Variants in DDX60L observed in about 807,000 individuals in gnomAD.
DDX60L encodes DExD/H-box 60 like.
In DDX60L, 191 loss-of-function variants were observed where a neutral mutation model predicts 211.6. The observed-to-expected ratio is 0.90, with a 90% CI of 0.80 to 1.02. DDX60L has a LOEUF of 1.02. Ranked by LOEUF, DDX60L falls within the 50% of genes least tolerant of loss-of-function variation. The probability of loss-of-function intolerance (pLI) is 0.00; values close to 1 mark genes in which losing one functional copy is unlikely to be tolerated. For synonymous variants in DDX60L, 706 were observed against 694.1 expected (o/e 1.02, Z -0.27); for missense variants, 2,007 against 1,984.1 (o/e 1.01, Z -0.22).
chr4:168,423,735 A>G lies in DDX60L; in HGVS notation c.1970T>C (p.Met657Thr), dbSNP rs752372935. 6 of 1,603,498 alleles carry G rather than the reference A, an allele frequency of 3.7e-6. No homozygotes were observed. In the African/African-American group the frequency reaches 6.7e-5, roughly 18 times the overall value. The change falls in exon 15 of 38, where the codon ATG becomes ACG. Residue 657 changes from methionine to threonine, a missense_variant. Physicochemically the swap from Met to Thr is moderately conservative, Grantham distance 81 (BLOSUM62 -1). Transcript: ENST00000682922. The stretch of plus-strand genomic sequence containing the variant: ...CTCCAGGAGTGAATGAATCCTTTTC[A>G]TCATTTGAACAGCTATACTTAAATC... ...SKDLSIAVQM[M>T]KRIHSLLERY... is the part of the protein sequence containing the mutation.
chr4:168,415,208 AT>A (rs1749335841), intron 22 of DDX60L, among the ~76,000 whole-genome samples, 199 bp downstream of exon 22: 1 of 152,066 alleles, frequency 6.6e-6, no homozygotes, highest in African/African-American at 2.4e-5. Context: ...TGCCCCATAT[AT>A]ACAGCTACTT....
Position 168,400,921 on chromosome 4 carries a change from C to T in DDX60L, c.3396G>A (p.Lys1132=), listed in dbSNP as rs1326318161. ...TGTGGGGATGGCTTTTTGTCTCTGT[C>T]TTCTCCAGAAAAGTGCACACACTTC... ...RAGSVCTFLE[K]TETKSHPHTE... is the part of the protein sequence containing the mutation. Residue 1132 remains lysine, a synonymous_variant, in exon 26 of 38, where the codon AAG becomes AAA. Coordinates refer to ENST00000682922, the MANE Select transcript of DDX60L (RefSeq NM_001012967.3). 1.9e-6 allele frequency: 3 copies of T among 1,613,700 alleles called. No homozygotes were observed. The Admixed American group carries it at 5.0e-5, about 27-fold the overall frequency.
At chr4:168,369,582 C>CA (rs1460460603) in intron 36 of DDX60L, among the ~76,000 whole-genome samples, 2 of 150,186 alleles carry the variant, frequency 1.3e-5, no homozygotes, top group Admixed American at 1.3e-4. Context: ...CAAAAATAGA[C>CA]AAAAGAGATT....
Position 168,433,070 on chromosome 4 carries a change from G to A in DDX60L, c.1340C>T (p.Thr447Ile). 6.2e-7 allele frequency: 1 copy of A among 1,609,540 alleles called. No homozygotes were observed. Among genetic ancestry groups the A allele is most frequent in the Non-Finnish European group, 8.5e-7 (1 of 1,177,542 alleles). ...KMPSVGFIPM[T>I]SAVIDEFVGD... ...AACAAACTCATCAATTACAGCAGAT[G>A]TCATTGGAATAAAGCCCACACTAGG... The change falls in exon 11 of 38, where the codon ACA becomes ATA. Residue 447 changes from threonine to isoleucine, a missense_variant. Coordinates refer to ENST00000682922, the MANE Select transcript of DDX60L (RefSeq NM_001012967.3).
intron 5 of DDX60L, among the ~76,000 whole-genome samples, chr4:168,460,038 C>T (rs1394077472): frequency 6.6e-6 from 1 of 151,834 alleles, no homozygotes; most frequent in Non-Finnish European, 1.5e-5. Flanking sequence ...ATTTTCCAAC[C>T]AAAACAAAAA....
rs1561040772 is a variant in DDX60L, at chr4:168,422,644, T to C, written c.2124A>G (p.Lys708=). 1.9e-6 allele frequency: 3 copies of C among 1,606,068 alleles called. No homozygotes were observed. In the Admixed American group the frequency reaches 5.1e-5, roughly 27 times the overall value. The change falls in exon 16 of 38, where the codon AAA becomes AAG. Residue 708 remains lysine, a synonymous_variant. Transcript: ENST00000682922. ...TLIGDDKNKK[K]YSIDIGPARF... ...GAGCTGGTCCAATGTCAATCGAATA[T>C]TTCTTCTTATTTTTGTCATCTCCTA...
At chr4:168,395,775 G>T in intron 27 of DDX60L, 184 bp downstream of exon 27, 1 of 540,454 alleles carries the variant, frequency 1.9e-6, no homozygotes, top group South Asian at 2.6e-5. Context: ...GCAAGGAAGA[G>T]TCACTTATAG....
At chr4:168,392,928 T>C (rs1579338016) in intron 28 of DDX60L, among the ~76,000 whole-genome samples, 1 of 152,122 alleles carries the variant, frequency 6.6e-6, no homozygotes, top group Non-Finnish European at 1.5e-5. Context: ...TATTCATTCA[T>C]TTATATATTC....
chr4:168,379,689 T>C (rs1742593387), intron 31 of DDX60L, 37 bp downstream of exon 31: 4 of 1,504,106 alleles, frequency 2.7e-6, no homozygotes, highest in South Asian at 2.3e-5. Context: ...TACACGGTAC[T>C]AGTTACAGAG....
intron 22 of DDX60L, among the ~76,000 whole-genome samples, chr4:168,408,876 G>T (rs149561715): frequency 6.6e-6 from 1 of 152,286 alleles, no homozygotes; most frequent in African/African-American, 2.4e-5. Flanking sequence ...CACTCATCCT[G>T]TTCCCATGCC....
At chr4:168,451,094 C>A (rs967362428) in intron 8 of DDX60L, among the ~76,000 whole-genome samples, 4 of 152,108 alleles carry the variant, frequency 2.6e-5, no homozygotes, top group Non-Finnish European at 5.9e-5. Flanking sequence ...AGATTTTCTA[C>A]CATCTATCTT....
intron 7 of DDX60L, among the ~76,000 whole-genome samples, chr4:168,454,683 AG>A (rs1025363105): frequency 4.6e-5 from 7 of 151,688 alleles, no homozygotes; most frequent in African/African-American, 1.7e-4. Context: ...AGAATCAAGA[AG>A]GAAGAAGCAT....
chr4:168,417,541 T>C (rs1749769532), intron 19 of DDX60L, among the ~76,000 whole-genome samples: 1 of 152,236 alleles, frequency 6.6e-6, no homozygotes. Flanking sequence ...TTACTTCCCA[T>C]TTTGCTATTA....
Position 168,371,750 on chromosome 4 carries a change from G to A in DDX60L, c.4790C>T (p.Thr1597Ile), listed in dbSNP as rs1346139882. The stretch of plus-strand genomic sequence containing the variant: ...AGCCTGAGTGCCACTAACACCGACT[G>A]TGCGCAGGATGACCTGAAGAAAGAC... ...PETINQVILR[T>I]VGVSGTQAPL... Residue 1597 changes from threonine (T) to isoleucine (I), a missense_variant, in exon 36 of 38, where the codon ACA becomes ATA. Coordinates refer to ENST00000682922, the MANE Select transcript of DDX60L (RefSeq NM_001012967.3). 1 of 1,601,920 alleles carries A rather than the reference G, an allele frequency of 6.2e-7. No homozygotes were observed. Among genetic ancestry groups the A allele is most frequent in the Non-Finnish European group, 8.5e-7 (1 of 1,171,468 alleles).
At chr4:168,411,473 G>A (rs188969888) in intron 22 of DDX60L, among the ~76,000 whole-genome samples, 35 of 152,274 alleles carry the variant, frequency 2.3e-4, no homozygotes, top group African/African-American at 6.3e-4. Context: ...CTGTCACAGC[G>A]AAAAGCAACA....
intron 30 of DDX60L, among the ~76,000 whole-genome samples, chr4:168,383,634 A>T (rs1301848026): frequency 6.6e-6 from 1 of 152,154 alleles, no homozygotes; most frequent in African/African-American, 2.4e-5. Flanking sequence ...TGGCTTCAAG[A>T]GGTAATTATT....
intron 25 of DDX60L, among the ~76,000 whole-genome samples, 185 bp from the exon 26 acceptor site, chr4:168,401,163 G>A (rs142096287): frequency 2.0e-5 from 3 of 152,230 alleles, no homozygotes; most frequent in Non-Finnish European, 2.9e-5. Flanking sequence ...CATACCTCTC[G>A]ATACTCTCCA....
Position 168,453,294 on chromosome 4 carries a change from AAAG to A in DDX60L, c.838-15_838-13del. On this transcript the variant is annotated splice_polypyrimidine_tract_variant and intron_variant, in intron 7 of 37. Transcript: ENST00000682922. ...CAATTACTGTGCACCTGCGTACAAT[AAAG>A]AAGATGAGAACAGTCACAATGTCAC... The A allele has an allele frequency of 6.2e-7, 1 of 1,603,092 alleles. No homozygotes were observed. Among genetic ancestry groups the A allele is most frequent in the Non-Finnish European group, 8.5e-7 (1 of 1,174,968 alleles).
At chr4:168,462,860 TA>T (rs1265267540) in intron 4 of DDX60L, among the ~76,000 whole-genome samples, 1 of 151,694 alleles carries the variant, frequency 6.6e-6, no homozygotes, top group South Asian at 2.1e-4. Flanking sequence ...AGTAAGCATA[TA>T]AAAAAAGCTC....
Sources: allele counts gnomAD v4.1 joint callset (sites outside exome capture counted in the v4.1 genomes callset), GRCh38; gene constraint gnomAD v4.1.1; transcripts MANE v1.5; gene names NCBI Gene and HGNC (gene_info 2026-07-23, HGNC 2026-07-21).